The following C2CD3 variants were observed in gnomAD, a reference collection of about 807,000 sequenced individuals.
C2CD3 encodes the protein C2 domain containing 3 centriole elongation regulator, also known as C2 domain-containing protein 3.
A neutral mutation model predicts 234.0 loss-of-function variants in C2CD3; 148 were observed. The ratio of observed to expected loss-of-function variants is 0.63; its 90% CI spans 0.55 to 0.72. The LOEUF is 0.72. Among genes scored for constraint, C2CD3 ranks in the 30% least tolerant of loss-of-function variants. The probability of loss-of-function intolerance (pLI) is 0.00; values close to 1 mark genes in which losing one functional copy is unlikely to be tolerated. For synonymous variants in C2CD3, 1,000 were observed against 1,035.4 expected (o/e 0.97, Z 0.66); for missense variants, 2,577 against 2,811.5 (o/e 0.92, Z 1.89).
At chr11:74,165,139 T>C (rs79925155) in intron 2 of C2CD3, among the ~76,000 whole-genome samples, 3,991 of 152,272 alleles carry the variant, frequency 0.026, 172 homozygotes, top group African/African-American at 0.09. Flanking sequence ...AATAAGATGA[T>C]AGACTTGAAA....
At position 74,066,481 on chromosome 11, in the gene C2CD3, A is replaced by C. The variant is rs1048203070; in HGVS notation, c.4951+7772T>G. On this transcript the variant is annotated intron_variant, in intron 24 of 32. Transcript: ENST00000334126. ...AAAAAACATTTAACAAGTAGTCTTT[A>C]AAAGACAGGTTCTAGTTCCATCTAC... Among the ~76,000 whole-genome samples, 7 of 151,994 alleles carry C rather than the reference A, an allele frequency of 4.6e-5. No homozygotes were observed. In the East Asian group the frequency reaches 1.3e-3, roughly 29 times the overall value.
At chr11:74,054,166 G>C (rs182508013) in intron 26 of C2CD3, among the ~76,000 whole-genome samples, 210 of 151,920 alleles carry the variant, frequency 1.4e-3, no homozygotes, top group African/African-American at 4.7e-3. Context: ...CAGCTCCTTG[G>C]GGGGCTGAGG....
chr11:74,132,828 A>G lies in C2CD3; in HGVS notation c.1217+16T>C. 6.2e-7 allele frequency: 1 copy of G among 1,609,496 alleles called. No homozygotes were observed. Among genetic ancestry groups the G allele is most frequent in the Admixed American group, 1.7e-5 (1 of 58,968 alleles). The stretch of plus-strand genomic sequence containing the variant: ...GGAAGAGTTTAAAAGGAAGAAAGCC[A>G]GTTAATAGTGCTTACCTGCCTAATA... On this transcript the variant is annotated intron_variant, in intron 7 of 32. Coordinates refer to ENST00000334126, the MANE Select transcript of C2CD3 (RefSeq NM_001286577.2).
intron 7 of C2CD3, among the ~76,000 whole-genome samples, chr11:74,132,632 A>G (rs916554913): frequency 6.6e-6 from 1 of 152,158 alleles, no homozygotes; most frequent in African/African-American, 2.4e-5. Flanking sequence ...TAAGAACGGT[A>G]AGGTAGAATG....
chr11:74,164,109 T>A (rs1856651771), intron 2 of C2CD3: 1 of 828,884 alleles, frequency 1.2e-6, no homozygotes, highest in East Asian at 1.3e-4. Flanking sequence ...ACACTATTCA[T>A]CACTTCTAGG....
Position 74,034,083 on chromosome 11 carries a change from T to C in C2CD3, c.6077A>G (p.Glu2026Gly). The C allele has an allele frequency of 6.5e-7, 1 of 1,536,284 alleles. No homozygotes were observed. Among genetic ancestry groups the C allele is most frequent in the Non-Finnish European group, 8.7e-7 (1 of 1,146,932 alleles). Residue 2026 changes from glutamate (E) to glycine (G), a missense_variant, in exon 31 of 33, where the codon GAG (glutamate) becomes GGG (glycine). Physicochemically the swap from Glu to Gly is moderately conservative, Grantham distance 98. Transcript: ENST00000334126. ...GAGCATTCTTCCTCCATTTGAAGTC[T>C]CTTCGAGAGGAGGGGGTGATGGGGA... Reference protein sequence around the residue: ...TDSPSPPPLEETSNGGRMLHE... With the variant: ...TDSPSPPPLEGTSNGGRMLHE...
chr11:74,136,155 T>C (rs1257491768), intron 5 of C2CD3, among the ~76,000 whole-genome samples: 1 of 152,120 alleles, frequency 6.6e-6, no homozygotes, highest in African/African-American at 2.4e-5. Context: ...AGCTATGTAC[T>C]TGATAATTTA....
intron 28 of C2CD3, among the ~76,000 whole-genome samples, chr11:74,043,943 C>T (rs1953215466): frequency 1.3e-5 from 2 of 152,054 alleles, no homozygotes; most frequent in South Asian, 4.1e-4. Context: ...CCCACCTCAG[C>T]CTCCTAAGTA....
At chr11:74,100,237 T>G (rs1163603475) in intron 15 of C2CD3, among the ~76,000 whole-genome samples, 5 of 152,220 alleles carry the variant, frequency 3.3e-5, no homozygotes. Context: ...GAATCTCTGT[T>G]AACTCATCTG....
chr11:74,142,822 C>T (rs1440572947), intron 3 of C2CD3, among the ~76,000 whole-genome samples: 1 of 152,206 alleles, frequency 6.6e-6, no homozygotes, highest in Non-Finnish European at 1.5e-5. Context: ...GCTCCCAGAT[C>T]TTCATTCCTG....
chr11:74,083,611 C>A (rs1424170549), intron 22 of C2CD3, among the ~76,000 whole-genome samples: 1 of 152,156 alleles, frequency 6.6e-6, no homozygotes. Flanking sequence ...AAACAAATAA[C>A]CTCATCAAAA....
intron 15 of C2CD3, 60 bp from the exon 16 acceptor site, chr11:74,098,315 T>C (rs1956187834): frequency 6.5e-7 from 1 of 1,534,062 alleles, no homozygotes. Context: ...CATAGAGTTA[T>C]TTCTTTCTTG....
At chr11:74,112,803 G>A (rs151034007) in intron 11 of C2CD3, among the ~76,000 whole-genome samples, 22 of 152,354 alleles carry the variant, frequency 1.4e-4, no homozygotes, top group Middle Eastern at 3.4e-3. Flanking sequence ...AGTAACAAGT[G>A]TTGACGAGGA....
chr11:74,038,408 G>A (rs1468149617), intron 29 of C2CD3, among the ~76,000 whole-genome samples: 1 of 152,180 alleles, frequency 6.6e-6, no homozygotes, highest in African/African-American at 2.4e-5. Flanking sequence ...TTATGTTTAT[G>A]CTTTTAAACA....
At chr11:74,155,984 T>C (rs1377903257) in intron 3 of C2CD3, among the ~76,000 whole-genome samples, 2 of 151,298 alleles carry the variant, frequency 1.3e-5, no homozygotes, top group East Asian at 3.9e-4. Flanking sequence ...CTACAAAAAA[T>C]CCAAAAACTG....
chr11:74,098,930 C>T lies in C2CD3; in HGVS notation c.2733-675G>A, dbSNP rs913571542. Among the ~76,000 whole-genome samples, 31 of 152,224 alleles carry T rather than the reference C, an allele frequency of 2.0e-4. 1 individual carries two copies. The highest frequency in any genetic ancestry group is 9.8e-4 in the Admixed American group (15 of 15,276). On this transcript the variant is annotated intron_variant, in intron 15 of 32. Transcript: ENST00000334126. ...TGAGTCTGTTTTGTCATTTTTAAAA[C>T]GTACGCAATGAAAAAACTTCCATCA...
intron 7 of C2CD3, among the ~76,000 whole-genome samples, chr11:74,131,402 T>C (rs1194568489): frequency 6.6e-6 from 1 of 151,926 alleles, no homozygotes; most frequent in Non-Finnish European, 1.5e-5. Context: ...ATCACATATA[T>C]TGAATTTCAG....
chr11:74,126,140 T>C (rs1957407429), intron 7 of C2CD3, among the ~76,000 whole-genome samples: 1 of 152,214 alleles, frequency 6.6e-6, no homozygotes, highest in Non-Finnish European at 1.5e-5. Context: ...ACTTGATTAA[T>C]AGTTTGATTA....
chr11:74,097,470 C>G (rs1292219895), intron 16 of C2CD3, among the ~76,000 whole-genome samples: 1 of 152,176 alleles, frequency 6.6e-6, no homozygotes, highest in Non-Finnish European at 1.5e-5. Flanking sequence ...GGACAAGTAA[C>G]CTAACCTCTT....
Sources: gnomAD v4.1 joint callset for allele counts (sites outside exome capture counted in the v4.1 genomes callset) on GRCh38, gnomAD v4.1.1 for gene constraint, MANE v1.5 for transcripts, NCBI Gene and HGNC (gene_info 2026-07-23, HGNC 2026-07-21) for gene names.